TCFL5: variants seen among roughly 807,000 people sequenced by gnomAD.
The protein encoded by TCFL5 is transcription factor-like 5 protein.
A neutral mutation model predicts 44.3 loss-of-function variants in TCFL5; 9 were observed. The observed-to-expected ratio is 0.20, with a 90% CI of 0.12 to 0.35. The LOEUF (loss-of-function observed/expected upper bound fraction) is 0.35. Ranked by LOEUF, TCFL5 falls within the 10% of genes least tolerant of loss-of-function variation. The pLI is 1.00. For synonymous variants in TCFL5, 319 were observed against 271.6 expected, an observed-to-expected ratio of 1.17 and a Z score of -1.72; for missense variants, 603 against 613.4, an observed-to-expected ratio of 0.98 and a Z score of 0.18.
At chr20:62,851,004 G>A (rs879839130) in intron 5 of TCFL5, among the ~76,000 whole-genome samples, 8 of 152,286 alleles carry the variant, frequency 5.3e-5, no homozygotes, top group South Asian at 4.1e-4. Context: ...TCTATCTTGC[G>A]CAGGGTACCC....
intron 5 of TCFL5, among the ~76,000 whole-genome samples, chr20:62,850,964 T>G (rs2063802311): frequency 6.6e-6 from 1 of 152,176 alleles, no homozygotes; most frequent in South Asian, 2.1e-4. Context: ...CGTTTACTCG[T>G]CCCCTGCCTC....
intron 3 of TCFL5, among the ~76,000 whole-genome samples, chr20:62,857,951 G>C (rs114409520): frequency 0.01 from 1,489 of 146,992 alleles, 28 homozygotes; most frequent in African/African-American, 0.035. Flanking sequence ...TATGAATACA[G>C]AAAACAAGAA....
At chr20:62,855,158 TTTTTAA>T (rs1228222631) in intron 4 of TCFL5, among the ~76,000 whole-genome samples, 5 of 152,232 alleles carry the variant, frequency 3.3e-5, no homozygotes. Flanking sequence ...ATTAGCTAGC[TTTTTAA>T]TTTTCTTTCT....
rs942523758 is a variant in TCFL5, at chr20:62,841,760, C to T, written c.*215G>A. On this transcript the variant is annotated 3_prime_UTR_variant, in exon 6 of 6. Coordinates refer to ENST00000335351, the MANE Select transcript of TCFL5 (RefSeq NM_006602.4). Reference sequence around the variant, plus strand: ...TACTAATTATTAAGATGGCTTCATCCCCAAATGGTCTAAGAGGACATTCAT... The same window carrying T: ...TACTAATTATTAAGATGGCTTCATCTCCAAATGGTCTAAGAGGACATTCAT... 2 of 401,442 alleles carry T rather than the reference C, an allele frequency of 5.0e-6. No individual in the cohort carries two copies. Among genetic ancestry groups the T allele is most frequent in the East Asian group, 4.0e-5 (1 of 24,900 alleles). 24.9% of individuals were successfully genotyped at this position (401,442 alleles called of 1,614,324 possible).
At chr20:62,851,625 G>A (rs1336914945) in intron 5 of TCFL5, 6 of 984,942 alleles carry the variant, frequency 6.1e-6, no homozygotes, top group African/African-American at 3.5e-5. Flanking sequence ...CATCGCTATA[G>A]AATGCAATTA....
chr20:62,850,050 G>A (rs542847032), intron 5 of TCFL5, among the ~76,000 whole-genome samples: 42 of 152,286 alleles, frequency 2.8e-4, no homozygotes, highest in African/African-American at 9.9e-4. Context: ...AATAGTCTGT[G>A]CATTAGAGGA....
chr20:62,852,953 C>T (rs1443753824), intron 5 of TCFL5: 4 of 1,289,268 alleles, frequency 3.1e-6, no homozygotes, highest in African/African-American at 1.5e-5. Flanking sequence ...GTATAGTCAC[C>T]TAGTCCGCAG....
At chr20:62,854,920 C>G (rs949098129) in intron 4 of TCFL5, among the ~76,000 whole-genome samples, 2 of 152,128 alleles carry the variant, frequency 1.3e-5, no homozygotes, top group African/African-American at 4.8e-5. Flanking sequence ...AGACATTGAG[C>G]GAAACACTCT....
At chr20:62,852,981 C>A (rs1035594922) in intron 5 of TCFL5, 4 of 1,288,374 alleles carry the variant, frequency 3.1e-6, no homozygotes, top group Non-Finnish European at 4.0e-6. Context: ...GTCACCCGGT[C>A]GGCTGAAGTA....
chr20:62,841,993 G>A lies in TCFL5; in HGVS notation c.1485C>T (p.Pro495=). The A allele has an allele frequency of 6.2e-7, 1 of 1,614,144 alleles. No individual in the cohort carries two copies. The change falls in exon 6 of 6, where the codon CCC becomes CCT. Residue 495 remains proline (P), a synonymous_variant. Coordinates refer to ENST00000335351, the MANE Select transcript of TCFL5 (RefSeq NM_006602.4). ...CPAQGSLQSS[P]SMEIK is the part of the protein sequence containing the mutation. ...AGTCCGATCACTTGATCTCCATCGAGGGGCTGCTCTGTAAACTCCCCTGTG... is the reference window on the plus strand; with the variant it reads ...AGTCCGATCACTTGATCTCCATCGAAGGGCTGCTCTGTAAACTCCCCTGTG...
Position 62,861,362 on chromosome 20 carries a change from C to G in TCFL5, c.309G>C (p.Ala103=), listed in dbSNP as rs1294581081. The change falls in exon 1 of 6, where the codon GCG becomes GCC. Residue 103 remains alanine, a synonymous_variant. Coordinates refer to ENST00000335351, the MANE Select transcript of TCFL5 (RefSeq NM_006602.4). The surrounding 1 kb of genome is among the most constrained non-coding windows in gnomAD (Gnocchi z 4.0). ...GFAAGGQGGA[A]PVYPVLCPSA... ...ACGGGCACAGCACGGGGTACACGGG[C>G]GCCGCGCCCCCCTGACCGCCCGCCG... is the stretch of plus-strand genomic sequence containing the variant. 4 of 1,065,884 alleles carry G rather than the reference C, an allele frequency of 3.8e-6. No individual in the cohort carries two copies. The highest frequency in any genetic ancestry group is 3.4e-5 in the African/African-American group (2 of 58,556). The allele number at this position is 1,065,884 out of a possible 1,614,324, so 66.0% of individuals were successfully genotyped here.
chr20:62,844,561 GTTTT>G (rs911762716), intron 5 of TCFL5, among the ~76,000 whole-genome samples: 40 of 138,948 alleles, frequency 2.9e-4, no homozygotes, highest in Middle Eastern at 3.7e-3. Context: ...TTTTTTTTCT[GTTTT>G]TTTTTGTTTG....
rs2063972379 is a variant in TCFL5, at chr20:62,860,240, G to A, written c.716C>T (p.Thr239Ile). 2 of 1,613,822 alleles carry A rather than the reference G, an allele frequency of 1.2e-6. No homozygotes were observed. The highest frequency in any genetic ancestry group is 1.3e-5 in the African/African-American group (1 of 75,022). Residue 239 changes from threonine to isoleucine, a missense_variant, in exon 2 of 6, where the codon ACA (threonine) becomes ATA (isoleucine). This residue lies in a region of TCFL5 where 540 missense variants were observed against 478.7 expected (regional missense o/e 1.13). Transcript: ENST00000335351. ...CGCAGTTTTATTTTTCACTAATGCT[G>A]TACATTTGTTTTGTTGCTGAAGAGG... ...NVPLQQQNKC[T>I]ALVKNKTAAT...
intron 3 of TCFL5, among the ~76,000 whole-genome samples, chr20:62,858,294 G>A (rs933907756): frequency 2.0e-5 from 3 of 152,250 alleles, no homozygotes; most frequent in Non-Finnish European, 2.9e-5. Context: ...ACTGGCAGGC[G>A]TGCTCATGTG....
chr20:62,852,584 AG>A (rs879781060), intron 5 of TCFL5: 426 of 985,362 alleles, frequency 4.3e-4, no homozygotes, highest in Middle Eastern at 2.6e-3. Context: ...GGCTGTCCTG[AG>A]GGACTGCATA....
At chr20:62,853,556 G>A (rs1292253233) in intron 5 of TCFL5, among the ~76,000 whole-genome samples, 1 of 152,146 alleles carries the variant, frequency 6.6e-6, no homozygotes, top group African/African-American at 2.4e-5. Flanking sequence ...TTGCCATGTT[G>A]CCCAGGCTGG....
intron 5 of TCFL5, among the ~76,000 whole-genome samples, chr20:62,846,694 A>C (rs1045545920): frequency 2.0e-5 from 3 of 151,468 alleles, no homozygotes; most frequent in Non-Finnish European, 4.4e-5. Flanking sequence ...TGAGCCCAAG[A>C]GGACGAGGCT....
chr20:62,860,940 G>C lies in TCFL5; in HGVS notation c.647+84C>G, dbSNP rs1302583718. 3 of 949,752 alleles carry C rather than the reference G, an allele frequency of 3.2e-6. No individual in the cohort carries two copies. In the African/African-American group the frequency reaches 5.3e-5, roughly 17 times the overall value. 58.8% of individuals were successfully genotyped at this position (949,752 alleles called of 1,614,324 possible). A position where few individuals can be genotyped will look rare whatever the true frequency, so the allele number is the denominator to read the frequency against. On this transcript the variant is annotated intron_variant, in intron 1 of 5. Coordinates refer to ENST00000335351, the MANE Select transcript of TCFL5 (RefSeq NM_006602.4). ...GCAGGCTGGGGGCGTGCACAGCGAG[G>C]GCCCCCTTTGCCTCCGCCCCGGCCC...
chr20:62,854,100 G>C lies in TCFL5; in HGVS notation c.1296C>G (p.Ala432=). Residue 432 remains alanine (A), a synonymous_variant, in exon 5 of 6, where the codon GCC becomes GCG. Coordinates refer to ENST00000335351, the MANE Select transcript of TCFL5 (RefSeq NM_006602.4). ...ELNLLVPFCN[A]ETDKATTLQW... ...GCAGAGTTGTGGCCTTGTCAGTCTC[G>C]GCATTGCAGAACGGCACTAAGAGAT... The C allele has an allele frequency of 6.2e-7, 1 of 1,614,050 alleles. No homozygotes were observed. The highest frequency in any genetic ancestry group is 8.5e-7 in the Non-Finnish European group (1 of 1,180,042).
Sources: allele counts gnomAD v4.1 joint callset (sites outside exome capture counted in the v4.1 genomes callset), GRCh38; gene constraint gnomAD v4.1.1; regional missense constraint gnomAD v4.1.1; non-coding constraint Gnocchi (gnomAD v3.1); transcripts MANE v1.5; gene names NCBI Gene and HGNC (gene_info 2026-07-23, HGNC 2026-07-21).